The following PCDH7 variants were observed in gnomAD, a reference collection of about 807,000 sequenced individuals.
PCDH7 encodes the protein protocadherin 7, also known as protocadherin-7.
A neutral mutation model predicts 58.9 loss-of-function variants in PCDH7; 17 were observed. The observed-to-expected ratio is 0.29, with a 90% CI of 0.20 to 0.43. The LOEUF (loss-of-function observed/expected upper bound fraction) is 0.43. Ranked by LOEUF, PCDH7 falls within the 20% of genes least tolerant of loss-of-function variation. The pLI is 1.00. For missense variants in PCDH7, 1,274 were observed against 1,441.0 expected (o/e 0.88, Z 1.88); for synonymous variants, 664 against 616.4 (o/e 1.08, Z -1.14).
intron 3 of PCDH7, 124 bp from the exon 3 acceptor site, chr4:31,142,349 G>A: frequency 2.3e-6 from 2 of 886,096 alleles, no homozygotes; most frequent in South Asian, 3.2e-5. Flanking sequence ...GAGCTAGAGG[G>A]TGTTGGGAAA....
At chr4:30,862,279 C>T (rs1734304321) in intron 1 of PCDH7, among the ~76,000 whole-genome samples, 3 of 152,168 alleles carry the variant, frequency 2.0e-5, no homozygotes. Context: ...CCAGGAATTT[C>T]AGAGAGGGAT....
At chr4:31,146,500 C>T (rs373103834), downstream of PCDH7, 4 of 152,186 alleles carry the variant, frequency 2.6e-5, no homozygotes, top group East Asian at 3.9e-4. Flanking sequence ...GGTTTACTTT[C>T]AGACTTTTCC....
chr4:30,950,732 C>A (rs1014110886), intron 3 of PCDH7, among the ~76,000 whole-genome samples: 2 of 152,144 alleles, frequency 1.3e-5, no homozygotes, highest in Admixed American at 1.3e-4. Flanking sequence ...AAAGCTATGC[C>A]ATTCAGATGT....
Position 30,743,342 on chromosome 4 carries a change from A to G in PCDH7, c.70+18746A>G, listed in dbSNP as rs112503995. 5.0e-3 allele frequency among the ~76,000 whole-genome samples: 766 copies of G among 152,228 alleles called. 6 individuals carry two copies. The highest frequency in any genetic ancestry group is 0.017 in the African/African-American group (716 of 41,554). ...AAATGTCTTATTGAAGAAAGGAGAG[A>G]AAATATGCTTCAGAGCTAGAGAGGA... On this transcript the variant is annotated intron_variant, in intron 1 of 3. Transcript: ENST00000509759.
chr4:30,724,028 C>G (rs760830249), exon 1 of PCDH7: 132 of 1,613,986 alleles, frequency 8.2e-5, no homozygotes, highest in Non-Finnish European at 1.1e-4. Context: ...GCTGGTGACC[C>G]AAGCTATGAA....
At chr4:30,768,279 ATCCAAGTAGTATGCATACATCT>A (rs142514265) in intron 1 of PCDH7, among the ~76,000 whole-genome samples, 34 of 144,176 alleles carry the variant, frequency 2.4e-4, no homozygotes, top group Middle Eastern at 7.2e-3. Flanking sequence ...ATATTGGCTA[ATCCAAGTAGTATGCATACATCT>A]TCCAAGTAGT....
intron 1 of PCDH7, among the ~76,000 whole-genome samples, chr4:30,903,267 C>T (rs746722357): frequency 1.3e-5 from 2 of 151,816 alleles, no homozygotes; most frequent in Non-Finnish European, 2.9e-5. Flanking sequence ...AAAACAGAAA[C>T]AAGAAAGAAG....
At chr4:31,077,849 G>C (rs1429306171) in intron 3 of PCDH7, among the ~76,000 whole-genome samples, 1 of 152,154 alleles carries the variant, frequency 6.6e-6, no homozygotes, top group African/African-American at 2.4e-5. Context: ...GAGGTCCACT[G>C]ACTGACTCCT....
In PCDH7 at chr4:31,142,946, G is replaced by C; in HGVS notation, c.*481G>C. The C allele has an allele frequency of 3.2e-6, 3 of 935,668 alleles. No homozygotes were observed. In the South Asian group the frequency reaches 4.7e-5, roughly 15 times the overall value. The allele number at this position is 935,668 out of a possible 1,614,324, so 58.0% of individuals were successfully genotyped here. Reference sequence around the variant, plus strand: ...CAAAACGTTTAATCACAAAGAGGGGGCTACCAAAGAGACAAAGCTTTGCCT... The same window carrying C: ...CAAAACGTTTAATCACAAAGAGGGGCCTACCAAAGAGACAAAGCTTTGCCT... On this transcript the variant is annotated 3_prime_UTR_variant, in exon 4 of 4. Coordinates refer to the PCDH7 transcript ENST00000509759.
intron 3 of PCDH7, among the ~76,000 whole-genome samples, chr4:31,079,284 G>A (rs1343741734): frequency 1.7e-5 from 2 of 120,808 alleles, no homozygotes; most frequent in African/African-American, 6.5e-5. Context: ...GCCACAGTGT[G>A]TAAAAGATAT....
chr4:31,086,344 T>A lies in PCDH7; in HGVS notation c.*8-56129T>A, dbSNP rs150641483. On this transcript the variant is annotated intron_variant, in intron 3 of 3. Coordinates refer to the PCDH7 transcript ENST00000509759. ...TTTCAGAAAACTTTTCAGTCGATGA[T>A]GTCCCGCAGTTATTTTAAGTCTGTT... 4.8e-3 allele frequency among the ~76,000 whole-genome samples: 724 copies of A among 152,344 alleles called. 4 individuals are homozygous for A. Among genetic ancestry groups the A allele is most frequent in the Middle Eastern group, 6.8e-3 (2 of 294 alleles).
At chr4:30,779,177 C>G (rs1287161934) in intron 1 of PCDH7, among the ~76,000 whole-genome samples, 1 of 151,798 alleles carries the variant, frequency 6.6e-6, no homozygotes, top group Admixed American at 6.6e-5. Context: ...GTGCTCACCA[C>G]CACACCCGGC....
rs1468708396 is a variant in PCDH7 at position 30,724,080 on chromosome 4, T to C, written c.2658T>C (p.Ala886=). The change falls in exon 1 of 2, where the codon GCT becomes GCC. Residue 886 remains alanine, a synonymous_variant. Coordinates refer to ENST00000361762, the Ensembl canonical transcript of PCDH7. ...TCAGTATTGTCATTGGCGTGGTTGC[T>C]GGCATTATGACGGTGATTCTAATCA... 8.7e-6 allele frequency: 14 copies of C among 1,613,912 alleles called. No homozygotes were observed. In the Admixed American group the frequency reaches 2.0e-4, roughly 23 times the overall value.
chr4:31,114,265 T>A (rs955682032), intron 3 of PCDH7, among the ~76,000 whole-genome samples: 16 of 152,180 alleles, frequency 1.1e-4, no homozygotes, highest in Admixed American at 9.2e-4. Flanking sequence ...AGACAATTAG[T>A]TGATGAGTAA....
chr4:31,117,968 G>T (rs1317174034), intron 3 of PCDH7, among the ~76,000 whole-genome samples: 1 of 152,064 alleles, frequency 6.6e-6, no homozygotes, highest in Non-Finnish European at 1.5e-5. Flanking sequence ...TTAATTTATT[G>T]CAATTATCTT....
At chr4:30,879,339 A>C (rs2109369050) in intron 1 of PCDH7, among the ~76,000 whole-genome samples, 1 of 152,212 alleles carries the variant, frequency 6.6e-6, no homozygotes, top group African/African-American at 2.4e-5. Context: ...AAAAAATCAA[A>C]AGTGATTATT....
At chr4:30,779,849 AT>A (rs1455514431) in intron 1 of PCDH7, among the ~76,000 whole-genome samples, 1 of 152,142 alleles carries the variant, frequency 6.6e-6, no homozygotes, top group Non-Finnish European at 1.5e-5. Flanking sequence ...CATGATTGCA[AT>A]TTTAGTGTCA....
chr4:31,035,125 C>A (rs951223176), intron 3 of PCDH7, among the ~76,000 whole-genome samples: 4 of 151,940 alleles, frequency 2.6e-5, no homozygotes, highest in Admixed American at 2.6e-4. Context: ...AATCTGTGCT[C>A]TCATGGGAGA....
intron 3 of PCDH7, among the ~76,000 whole-genome samples, chr4:31,073,574 T>C (rs1758732538): frequency 6.6e-6 from 1 of 152,192 alleles, no homozygotes; most frequent in African/African-American, 2.4e-5. Flanking sequence ...AACAAGACTA[T>C]GGCATCTACC....
Sources: gnomAD v4.1 joint callset for allele counts (sites outside exome capture counted in the v4.1 genomes callset) on GRCh38, gnomAD v4.1.1 for gene constraint, MANE v1.5 for transcripts, NCBI Gene and HGNC (gene_info 2026-07-23, HGNC 2026-07-21) for gene names.